Variants in AGO2 observed in about 807,000 individuals in gnomAD.
AGO2 encodes argonaute RISC catalytic component 2, also known as protein argonaute-2.
In AGO2, 5 loss-of-function variants were observed where a neutral mutation model predicts 102.3. The ratio of observed to expected loss-of-function variants is 0.05; its 90% CI spans 0.03 to 0.10. The LOEUF is 0.10. Ranked by LOEUF, AGO2 falls within the 10% of genes least tolerant of loss-of-function variation. The pLI is 1.00. For synonymous variants in AGO2, 449 were observed against 473.1 expected (o/e 0.95, Z 0.66); for missense variants, 541 against 1,183.7 (o/e 0.46, Z 7.97).
intron 13 of AGO2, among the ~76,000 whole-genome samples, chr8:140,544,724 G>T (rs1007813710): frequency 6.6e-6 from 1 of 152,204 alleles, no homozygotes; most frequent in African/African-American, 2.4e-5. Context: ...CCCCAGCATG[G>T]GCAGACGCTG....
chr8:140,578,444 A>G (rs2132992341), intron 2 of AGO2, among the ~76,000 whole-genome samples: 1 of 152,340 alleles, frequency 6.6e-6, no homozygotes, highest in East Asian at 1.9e-4. Context: ...GTGAGGCACT[A>G]ACTTCCCAGC....
intron 2 of AGO2, among the ~76,000 whole-genome samples, chr8:140,583,496 A>T (rs1353905997): frequency 6.6e-6 from 1 of 152,196 alleles, no homozygotes; most frequent in Non-Finnish European, 1.5e-5. Context: ...AGAGTCTACC[A>T]CACACCTAGG....
the AGO2 span, among the ~76,000 whole-genome samples, chr8:140,640,790 AT>A: frequency 6.6e-6 from 1 of 152,158 alleles, no homozygotes; most frequent in South Asian, 2.1e-4. Context: ...AAGTGCTAGG[AT>A]TACAGGCGTG....
At chr8:140,610,989 GTAGA>G (rs1228314913) in intron 1 of AGO2, among the ~76,000 whole-genome samples, 1 of 152,238 alleles carries the variant, frequency 6.6e-6, no homozygotes, top group Admixed American at 6.5e-5. Flanking sequence ...CTGGGATTAA[GTAGA>G]CACGCGCGCA....
rs1345869518 is a variant in AGO2, at chr8:140,562,622, C to T, written c.349G>A (p.Val117Ile). The change falls in exon 4 of 19, where the codon GTC (valine) becomes ATC (isoleucine). Residue 117 changes from valine to isoleucine, a missense_variant. Physicochemically the swap from Val to Ile is conservative, Grantham distance 29. This residue lies in a region of AGO2 where 147 missense variants were observed against 204.1 expected (regional missense o/e 0.72). Coordinates refer to ENST00000220592, the MANE Select transcript of AGO2 (RefSeq NM_012154.5). ...PIGRDKVELE[V>I]TLPGEGKDRI... ...TCCTTGCCTTCTCCTGGCAGCGTGACCTCCAGCTCCACCTGCGAGGATCCA... is the reference window on the plus strand; with the variant it reads ...TCCTTGCCTTCTCCTGGCAGCGTGATCTCCAGCTCCACCTGCGAGGATCCA... 27 of 1,613,538 alleles carry T rather than the reference C, an allele frequency of 1.7e-5. No homozygotes were observed. The highest frequency in any genetic ancestry group is 2.2e-5 in the Non-Finnish European group (26 of 1,179,858).
At chr8:140,590,590 C>T (rs1009520376) in intron 1 of AGO2, among the ~76,000 whole-genome samples, 3 of 152,180 alleles carry the variant, frequency 2.0e-5, no homozygotes, top group African/African-American at 7.2e-5. Context: ...TCAACAGAAC[C>T]CACCTCGCTG....
intron 1 of AGO2, among the ~76,000 whole-genome samples, chr8:140,607,458 TTATATATATATATATATATATATATATA>T (rs1167371585): frequency 0.015 from 1,058 of 69,490 alleles, 58 homozygotes; most frequent in African/African-American, 0.032. Context: ...TAAAGAAAAA[TTATATATATATATATATATATATATATA>T]TATATATATA....
At chr8:140,596,890 C>A in intron 1 of AGO2, among the ~76,000 whole-genome samples, 1 of 152,090 alleles carries the variant, frequency 6.6e-6, no homozygotes, top group Middle Eastern at 3.4e-3. Flanking sequence ...CTGCGAGACA[C>A]AACCCTGTCC....
At chr8:140,626,806 C>A (rs889332292) in intron 1 of AGO2, 7 of 152,308 alleles carry the variant, frequency 4.6e-5, no homozygotes, top group African/African-American at 1.7e-4. Flanking sequence ...GCTTTCTCTG[C>A]ATTTTTTACC....
At chr8:140,632,862 G>C (rs1426059920) in intron 1 of AGO2, among the ~76,000 whole-genome samples, 1 of 151,798 alleles carries the variant, frequency 6.6e-6, no homozygotes, top group Non-Finnish European at 1.5e-5. Flanking sequence ...CCTAATAAGG[G>C]TGTTACAATT....
At position 140,567,997 on chromosome 8, in the gene AGO2, C is replaced by A. The variant is rs1273266975; in HGVS notation, c.336+4815G>T. The stretch of plus-strand genomic sequence containing the variant: ...ATTAGTGGCGGGGCACAGTGGCTCA[C>A]ACCTGTAATCTCAGCACTTTGGGAG... On this transcript the variant is annotated intron_variant, in intron 3 of 18. Transcript: ENST00000220592. The surrounding 1 kb of genome is among the most constrained non-coding windows in gnomAD (Gnocchi z 5.0). 1.3e-5 allele frequency among the ~76,000 whole-genome samples: 2 copies of A among 150,748 alleles called. No individual in the cohort carries two copies. The highest frequency in any genetic ancestry group is 6.6e-5 in the Admixed American group (1 of 15,094).
Position 140,554,683 on chromosome 8 carries a change from TG to T in AGO2, c.1269+1212del, listed in dbSNP as rs570983181. On this transcript the variant is annotated intron_variant, in intron 10 of 18. Transcript: ENST00000220592. ...TTCTGAAACATTTAAAAAACAGAAC[TG>T]TTTTTTTTAAGTATTTTTTATTTTT... Among the ~76,000 whole-genome samples the T allele has an allele frequency of 3.4e-3, 518 of 152,074 alleles. 1 individual carries two copies. Among genetic ancestry groups the T allele is most frequent in the African/African-American group, 0.012 (478 of 41,412 alleles).
chr8:140,608,038 T>C (rs192815981), intron 1 of AGO2, among the ~76,000 whole-genome samples: 173 of 152,280 alleles, frequency 1.1e-3, no homozygotes, highest in East Asian at 5.0e-3. Context: ...CCTGTGGCCT[T>C]TGGTGAAGAA....
intron 1 of AGO2, among the ~76,000 whole-genome samples, chr8:140,613,680 C>A (rs1029997511): frequency 6.6e-6 from 1 of 152,130 alleles, no homozygotes; most frequent in African/African-American, 2.4e-5. Flanking sequence ...ACTCTATCCA[C>A]AAGACCACTG....
chr8:140,624,507 G>A (rs907731011), intron 1 of AGO2, among the ~76,000 whole-genome samples: 3 of 152,216 alleles, frequency 2.0e-5, no homozygotes, highest in Non-Finnish European at 4.4e-5. Flanking sequence ...TCGGAACAGA[G>A]GGCACGCCGG....
At chr8:140,619,506 C>T (rs920902044) in intron 1 of AGO2, among the ~76,000 whole-genome samples, 4 of 152,180 alleles carry the variant, frequency 2.6e-5, no homozygotes, top group Non-Finnish European at 5.9e-5. Context: ...CGCCAGGGAC[C>T]GGGCAGGCCA....
intron 1 of AGO2, among the ~76,000 whole-genome samples, chr8:140,629,600 GAGGC>G (rs2074316983): frequency 6.6e-6 from 1 of 151,992 alleles, no homozygotes; most frequent in Non-Finnish European, 1.5e-5. Context: ...AGCACTTTGG[GAGGC>G]TGCGGCAGGT....
intron 1 of AGO2, among the ~76,000 whole-genome samples, chr8:140,623,937 C>T (rs1034777667): frequency 2.0e-5 from 3 of 152,102 alleles, no homozygotes; most frequent in Admixed American, 6.6e-5. Flanking sequence ...AGACACATGG[C>T]GAACACTGCA....
intron 3 of AGO2, among the ~76,000 whole-genome samples, chr8:140,571,005 A>G (rs767626709): frequency 6.6e-6 from 1 of 152,358 alleles, no homozygotes; most frequent in Middle Eastern, 3.4e-3. Context: ...CTATAAGTAA[A>G]AACAAATGCA....
Sources: gnomAD v4.1 joint callset for allele counts (sites outside exome capture counted in the v4.1 genomes callset) on GRCh38, gnomAD v4.1.1 for gene constraint, gnomAD v4.1.1 regional missense constraint, Gnocchi (gnomAD v3.1) non-coding constraint, MANE v1.5 for transcripts, NCBI Gene and HGNC (gene_info 2026-07-23, HGNC 2026-07-21) for gene names.